The following GDAP2 variants were observed in gnomAD, a reference collection of about 807,000 sequenced individuals.
The protein encoded by GDAP2 is ganglioside-induced differentiation-associated protein 2.
Under a neutral mutation model 67.0 loss-of-function variants are expected in GDAP2, and 51 were observed. The observed-to-expected ratio is 0.76, with a 90% CI of 0.61 to 0.96. GDAP2 has a LOEUF of 0.96. Among genes scored for constraint, GDAP2 ranks in the 40% least tolerant of loss-of-function variants. The pLI is 0.00. For synonymous variants in GDAP2, 203 were observed against 207.3 expected, an observed-to-expected ratio of 0.98 and a Z score of 0.18; for missense variants, 547 against 588.3, an observed-to-expected ratio of 0.93 and a Z score of 0.73.
chr1:117,897,824 G>A (rs1028806950), intron 7 of GDAP2, among the ~76,000 whole-genome samples: 2 of 152,126 alleles, frequency 1.3e-5, no homozygotes, highest in Non-Finnish European at 2.9e-5. Context: ...CAAACTGACA[G>A]GCCAATAGAT....
intron 13 of GDAP2, among the ~76,000 whole-genome samples, chr1:117,876,282 T>C (rs1025447314): frequency 7.2e-5 from 11 of 152,122 alleles, no homozygotes; most frequent in African/African-American, 2.4e-4. Flanking sequence ...CTTCCCTCTC[T>C]CTTGCTTCCC....
At chr1:117,922,683 G>A (rs1369921771) in intron 1 of GDAP2, among the ~76,000 whole-genome samples, 1 of 152,188 alleles carries the variant, frequency 6.6e-6, no homozygotes, top group Non-Finnish European at 1.5e-5. Flanking sequence ...GGGAGGGATT[G>A]TACGAATAGG....
At position 117,883,577 on chromosome 1, in the gene GDAP2, A is replaced by G; in HGVS notation, c.1158T>C (p.Tyr386=). The part of the protein sequence containing the change: ...HVMDHIAVKE[Y]VLVYFHTLTS... ...TCAGGGTGTGAAAATACACTAATAC[A>G]TACTCCTTCACAGCAATGTGATCCA... Residue 386 remains tyrosine, a synonymous_variant, in exon 11 of 14, where the codon TAT becomes TAC. Transcript: ENST00000369443. The G allele has an allele frequency of 3.1e-6, 5 of 1,600,228 alleles. No individual in the cohort carries two copies. Among genetic ancestry groups the G allele is most frequent in the Middle Eastern group, 3.3e-4 (2 of 6,038 alleles).
intron 8 of GDAP2, 78 bp from the exon 9 acceptor site, chr1:117,887,852 C>T (rs3736794): frequency 0.017 from 13,592 of 794,918 alleles, 398 homozygotes; most frequent in South Asian, 0.087. Flanking sequence ...TTTTAATACC[C>T]TTCCCTGACC....
At chr1:117,920,598 C>T (rs1261628758) in intron 1 of GDAP2, among the ~76,000 whole-genome samples, 174 bp from the exon 2 acceptor site, 1 of 151,990 alleles carries the variant, frequency 6.6e-6, no homozygotes, top group Non-Finnish European at 1.5e-5. Context: ...TACAGAATTT[C>T]TAAAACAGGA....
intron 8 of GDAP2, 57 bp downstream of exon 8, chr1:117,896,763 ATCAGATGCAAGGT>A: frequency 5.0e-6 from 5 of 998,820 alleles, no homozygotes; most frequent in Non-Finnish European, 7.4e-6. Flanking sequence ...TAGCTCATGC[ATCAGATGCAAGGT>A]TCCTTTCTTG....
intron 8 of GDAP2, among the ~76,000 whole-genome samples, chr1:117,895,156 G>A (rs1448109312): frequency 6.6e-6 from 1 of 152,058 alleles, no homozygotes; most frequent in Non-Finnish European, 1.5e-5. Flanking sequence ...TTGAGATTCT[G>A]CATTACAACT....
intron 8 of GDAP2, among the ~76,000 whole-genome samples, chr1:117,895,658 G>T (rs1649237768): frequency 6.6e-6 from 1 of 152,152 alleles, no homozygotes; most frequent in Admixed American, 6.5e-5. Context: ...ACCACTGAAA[G>T]TATCATTTGA....
intron 8 of GDAP2, among the ~76,000 whole-genome samples, chr1:117,891,535 C>T (rs2101131260): frequency 6.6e-6 from 1 of 152,134 alleles, no homozygotes; most frequent in Non-Finnish European, 1.5e-5. Flanking sequence ...CTCATGTTGA[C>T]TTGATTCTAT....
At chr1:117,923,097 G>A (rs1030138258) in intron 1 of GDAP2, among the ~76,000 whole-genome samples, 3 of 152,330 alleles carry the variant, frequency 2.0e-5, no homozygotes, top group Admixed American at 6.5e-5. Flanking sequence ...CCTGCCCACA[G>A]GCAGCCACAC....
At chr1:117,887,541 T>A (rs1267045498) in intron 9 of GDAP2, among the ~76,000 whole-genome samples, 157 bp downstream of exon 9, 1 of 152,194 alleles carries the variant, frequency 6.6e-6, no homozygotes, top group Non-Finnish European at 1.5e-5. Flanking sequence ...ATGTTATTTT[T>A]AAGATCTTGA....
chr1:117,925,270 T>C (rs917270552), intron 1 of GDAP2, among the ~76,000 whole-genome samples: 2 of 151,808 alleles, frequency 1.3e-5, no homozygotes, highest in African/African-American at 2.4e-5. Context: ...TTGGGCAACA[T>C]AGTGAGACCC....
At chr1:117,924,566 G>A (rs1390680202) in intron 1 of GDAP2, among the ~76,000 whole-genome samples, 1 of 152,154 alleles carries the variant, frequency 6.6e-6, no homozygotes, top group East Asian at 1.9e-4. Flanking sequence ...CCTGCTGAGA[G>A]ACATGGGATG....
At chr1:117,914,381 T>C (rs1649973909) in intron 3 of GDAP2, among the ~76,000 whole-genome samples, 2 of 152,066 alleles carry the variant, frequency 1.3e-5, no homozygotes, top group South Asian at 2.1e-4. Flanking sequence ...GGGTTAAAAC[T>C]AAACTTGAAG....
intron 13 of GDAP2, among the ~76,000 whole-genome samples, chr1:117,876,841 C>A (rs936857682): frequency 2.0e-5 from 3 of 152,104 alleles, no homozygotes; most frequent in African/African-American, 7.2e-5. Context: ...ATATTTCTAT[C>A]CCAGAAAATA....
intron 6 of GDAP2, among the ~76,000 whole-genome samples, chr1:117,901,517 T>G (rs1204398201): frequency 2.0e-5 from 3 of 152,228 alleles, no homozygotes; most frequent in Non-Finnish European, 4.4e-5. Flanking sequence ...CTCCACATCC[T>G]CACCAACACT....
intron 10 of GDAP2, among the ~76,000 whole-genome samples, chr1:117,885,627 C>A (rs1648825088): frequency 6.6e-6 from 1 of 152,128 alleles, no homozygotes; most frequent in Admixed American, 6.6e-5. Flanking sequence ...ATGCCTGGTT[C>A]AGTGCTTTCA....
At chr1:117,923,517 G>T (rs576097351) in intron 1 of GDAP2, among the ~76,000 whole-genome samples, 1 of 152,188 alleles carries the variant, frequency 6.6e-6, no homozygotes, top group Non-Finnish European at 1.5e-5. Flanking sequence ...ACAACACTAA[G>T]AACTGATTAA....
intron 3 of GDAP2, among the ~76,000 whole-genome samples, chr1:117,914,164 A>C (rs537619834): frequency 9.5e-4 from 145 of 152,314 alleles, no homozygotes; most frequent in Non-Finnish European, 1.5e-3. Context: ...GCTAACACTT[A>C]AGGATCACCA....
Sources: allele counts gnomAD v4.1 joint callset (sites outside exome capture counted in the v4.1 genomes callset), GRCh38; gene constraint gnomAD v4.1.1; transcripts MANE v1.5; gene names NCBI Gene and HGNC (gene_info 2026-07-23, HGNC 2026-07-21).